Variants in LRP1 observed in about 807,000 individuals in gnomAD.
The protein encoded by LRP1 is LDL receptor related protein 1, also known as prolow-density lipoprotein receptor-related protein 1.
A neutral mutation model predicts 541.5 loss-of-function variants in LRP1; 51 were observed. That is an observed-to-expected ratio of 0.09 (90% CI 0.08 to 0.12). The LOEUF (loss-of-function observed/expected upper bound fraction) is 0.12, where lower values mean the gene tolerates loss of function less well. Ranked by LOEUF, LRP1 falls within the 10% of genes least tolerant of loss-of-function variation. The probability of loss-of-function intolerance (pLI) is 1.00; values close to 1 mark genes in which losing one functional copy is unlikely to be tolerated. For missense variants in LRP1, 3,878 were observed against 6,376.2 expected, an observed-to-expected ratio of 0.61 and a Z score of 13.34; for synonymous variants, 2,219 against 2,470.8, an observed-to-expected ratio of 0.90 and a Z score of 3.02.
intron 6 of LRP1, among the ~76,000 whole-genome samples, chr12:57,145,940 G>A (rs944197897): frequency 1.3e-5 from 2 of 152,162 alleles, no homozygotes; most frequent in South Asian, 2.1e-4. Context: ...TTCCCTCGGG[G>A]ACCATTGCCA....
At chr12:57,143,027 G>C (rs2035328178) in intron 3 of LRP1, among the ~76,000 whole-genome samples, 1 of 152,126 alleles carries the variant, frequency 6.6e-6, no homozygotes, top group South Asian at 2.1e-4. Flanking sequence ...CGCTGGTCTG[G>C]GGGGGCAACT....
At position 57,197,781 on chromosome 12, in the gene LRP1, T is replaced by A; in HGVS notation, c.9282+117T>A. 8.6e-7 allele frequency: 1 copy of A among 1,164,802 alleles called. No individual in the cohort carries two copies. Among genetic ancestry groups the A allele is most frequent in the Non-Finnish European group, 1.2e-6 (1 of 829,338 alleles). The allele number at this position is 1,164,802 out of a possible 1,614,324, so 72.2% of individuals were successfully genotyped here. ...GCTTCCTTCTCACTCCACTAGTCAC[T>A]ATATGACTGCTTGTTCTAGCTGCTC... On this transcript the variant is annotated intron_variant, in intron 58 of 88. Coordinates refer to ENST00000243077, the MANE Select transcript of LRP1 (RefSeq NM_002332.3). The surrounding 1 kb of genome is among the most constrained non-coding windows in gnomAD (Gnocchi z 4.5).
At position 57,179,685 on chromosome 12, in the gene LRP1, GTTTCCTGA is replaced by G; in HGVS notation, c.4967-95_4967-88del. On this transcript the variant is annotated intron_variant, in intron 29 of 88. Coordinates refer to ENST00000243077, the MANE Select transcript of LRP1 (RefSeq NM_002332.3). This position sits in a 1 kb window ranked among gnomAD's most constrained non-coding sequence, Gnocchi z 6.8. The stretch of plus-strand genomic sequence containing the variant: ...TGTTCCCCCTCAGTGCTCCAGCCTG[GTTTCCTGA>G]TCCCTTTTCTCCAGAAGGCACACTG... The G allele has an allele frequency of 7.0e-7, 1 of 1,426,280 alleles. No homozygotes were observed. The highest frequency in any genetic ancestry group is 1.7e-5 in the Admixed American group (1 of 58,064). 88.4% of individuals were successfully genotyped at this position (1,426,280 alleles called of 1,614,324 possible).
Position 57,211,841 on chromosome 12 carries a change from G to A in LRP1, c.13258+27G>A. 6.2e-7 allele frequency: 1 copy of A among 1,613,044 alleles called. No individual in the cohort carries two copies. The highest frequency in any genetic ancestry group is 8.5e-7 in the Non-Finnish European group (1 of 1,179,998). ...TAGGTGGCAGGGGTTGGGGCAGGCAGGGCCACCGGGACCTAGAGCAGGGGG... is the reference window on the plus strand; with the variant it reads ...TAGGTGGCAGGGGTTGGGGCAGGCAAGGCCACCGGGACCTAGAGCAGGGGG... On this transcript the variant is annotated intron_variant, in intron 86 of 88. Coordinates refer to ENST00000243077, the MANE Select transcript of LRP1 (RefSeq NM_002332.3). The surrounding 1 kb of genome is among the most constrained non-coding windows in gnomAD (Gnocchi z 4.3).
chr12:57,202,120 C>A (rs1255529572), intron 67 of LRP1, among the ~76,000 whole-genome samples: 1 of 152,028 alleles, frequency 6.6e-6, no homozygotes, highest in Non-Finnish European at 1.5e-5. Flanking sequence ...GTTTCCCTAT[C>A]CCTGCCCCTG....
chr12:57,148,011 C>T (rs986876594), intron 6 of LRP1, among the ~76,000 whole-genome samples: 2 of 152,170 alleles, frequency 1.3e-5, no homozygotes, highest in African/African-American at 2.4e-5. Context: ...CTATGAGGCT[C>T]GAATTCCAAG....
At position 57,195,195 on chromosome 12, in the gene LRP1, G is replaced by A. The variant is rs562846479; in HGVS notation, c.8309-76G>A. 4.8e-5 allele frequency: 35 copies of A among 729,736 alleles called. No homozygotes were observed. In the East Asian group the frequency reaches 1.9e-3, roughly 39 times the overall value. The allele number at this position is 729,736 out of a possible 1,614,324, so 45.2% of individuals were successfully genotyped here. ...ACACACAGACACCCCTGCAGACGAC[G>A]GCGAACCATCACCTCCACTGCTAGA... On this transcript the variant is annotated intron_variant, in intron 51 of 88. Coordinates refer to ENST00000243077, the MANE Select transcript of LRP1 (RefSeq NM_002332.3).
chr12:57,162,228 A>G lies in LRP1; in HGVS notation c.2203-89A>G, dbSNP rs1341784160. 2.6e-6 allele frequency: 3 copies of G among 1,143,914 alleles called. No individual in the cohort carries two copies. Among genetic ancestry groups the G allele is most frequent in the Middle Eastern group, 1.9e-4 (1 of 5,162 alleles). 70.9% of individuals were successfully genotyped at this position (1,143,914 alleles called of 1,614,324 possible). On this transcript the variant is annotated intron_variant, in intron 13 of 88. Transcript: ENST00000243077. The surrounding 1 kb of genome is among the most constrained non-coding windows in gnomAD (Gnocchi z 5.2). ...AAACAAAGCAAAACCCATGCCCAGG[A>G]CATAGACAAATGAATGTACAAAACA... is the stretch of plus-strand genomic sequence containing the variant.
chr12:57,185,590 C>T lies in LRP1; in HGVS notation c.6523C>T (p.Arg2175Cys), dbSNP rs770278184. ...GCQQLCLYRG[R>C]GQRACACAHG... The stretch of plus-strand genomic sequence containing the variant: ...CCAGCAGCTGTGCCTGTACCGGGGC[C>T]GTGGGCAGCGGGCCTGCGCCTGTGC... The change falls in exon 41 of 89, where the codon CGT (arginine) becomes TGT (cysteine). Residue 2175 changes from arginine (R) to cysteine (C), a missense_variant. Arg to Cys is a radical substitution (Grantham distance 180). Around this residue, in one of 13 missense-constraint regions of LRP1, gnomAD observed 1,100 missense variants for 1,827.4 expected, o/e 0.60. Transcript: ENST00000243077. The surrounding 1 kb of genome is among the most constrained non-coding windows in gnomAD (Gnocchi z 4.9). 1.7e-5 allele frequency: 28 copies of T among 1,605,986 alleles called. No individual in the cohort carries two copies. The highest frequency in any genetic ancestry group is 2.2e-5 in the Non-Finnish European group (26 of 1,177,862).
Position 57,183,834 on chromosome 12 carries a change from G to A in LRP1, c.5854G>A (p.Asp1952Asn). ...GLSTISRAKR[D>N]QTWREDVVTN... Reference sequence around the variant, plus strand: ...GAGCACGATCAGCCGGGCCAAGCGGGACCAGACGTGGCGTGAAGACGTGGT... The same window carrying A: ...GAGCACGATCAGCCGGGCCAAGCGGAACCAGACGTGGCGTGAAGACGTGGT... Residue 1952 changes from aspartate to asparagine, a missense_variant, in exon 36 of 89, where the codon GAC becomes AAC. Transcript: ENST00000243077. This position sits in a 1 kb window ranked among gnomAD's most constrained non-coding sequence, Gnocchi z 6.1. 6.2e-7 allele frequency: 1 copy of A among 1,614,190 alleles called. No homozygotes were observed.
At chr12:57,138,749 C>T (rs778532527) in intron 2 of LRP1, among the ~76,000 whole-genome samples, 168 bp downstream of exon 2, 1 of 152,226 alleles carries the variant, frequency 6.6e-6, no homozygotes, top group African/African-American at 2.4e-5. Context: ...CTTCAAAATG[C>T]TTGGCATGGT....
intron 44 of LRP1, 33 bp from the exon 45 acceptor site, chr12:57,192,812 C>G: frequency 6.2e-7 from 1 of 1,613,784 alleles, no homozygotes; most frequent in African/African-American, 1.3e-5. Flanking sequence ...AGAGAACACT[C>G]TCCAGCCCTG....
intron 33 of LRP1, 117 bp downstream of exon 33, chr12:57,180,924 C>A: frequency 7.1e-7 from 1 of 1,399,844 alleles, no homozygotes; most frequent in Non-Finnish European, 9.8e-7. Flanking sequence ...TACCCACCAC[C>A]CAAAGGGGCT....
chr12:57,165,392 C>T lies in LRP1; in HGVS notation c.2531-413C>T, dbSNP rs1592623966. The T allele has an allele frequency of 1.7e-5, 3 of 173,054 alleles. No homozygotes were observed. The East Asian group carries it at 4.6e-4, about 27-fold the overall frequency. The allele number at this position is 173,054 out of a possible 1,614,324, so 10.7% of individuals were successfully genotyped here. A position where few individuals can be genotyped will look rare whatever the true frequency, so the allele number is the denominator to read the frequency against. On this transcript the variant is annotated intron_variant, in intron 15 of 88. Coordinates refer to ENST00000243077, the MANE Select transcript of LRP1 (RefSeq NM_002332.3). This position sits in a 1 kb window ranked among gnomAD's most constrained non-coding sequence, Gnocchi z 4.5. ...GGATGTGGTGCCATCTTCACTTCTGCTGGTGGGACCGATGAAACTGTGAAA... is the reference window on the plus strand; with the variant it reads ...GGATGTGGTGCCATCTTCACTTCTGTTGGTGGGACCGATGAAACTGTGAAA...
In LRP1 at chr12:57,165,343, G is replaced by A. The variant is rs1241459804; in HGVS notation, c.2531-462G>A. On this transcript the variant is annotated intron_variant, in intron 15 of 88. Coordinates refer to ENST00000243077, the MANE Select transcript of LRP1 (RefSeq NM_002332.3). This position sits in a 1 kb window ranked among gnomAD's most constrained non-coding sequence, Gnocchi z 4.5. ...AGTGATGGTGAGGCATACGTTCTGG[G>A]GACAGGATGGGTGGAGCCTGCGCGG... 1 of 162,622 alleles carries A rather than the reference G, an allele frequency of 6.1e-6. No individual in the cohort carries two copies. Among genetic ancestry groups the A allele is most frequent in the Non-Finnish European group, 1.4e-5 (1 of 73,650 alleles). The allele number at this position is 162,622 out of a possible 1,614,324, so 10.1% of individuals were successfully genotyped here.
chr12:57,196,316 C>T lies in LRP1; in HGVS notation c.8892+39C>T, dbSNP rs377438341. 36 of 1,495,990 alleles carry T rather than the reference C, an allele frequency of 2.4e-5. 1 individual carries two copies. The highest frequency in any genetic ancestry group is 4.8e-5 in the East Asian group (2 of 41,374). 92.7% of individuals were successfully genotyped at this position (1,495,990 alleles called of 1,614,324 possible). ...TGGGGAGGAGCTTCCACACCCCAGA[C>T]GTGCCAGGAACGCCTTTCTCCACTG... is the stretch of plus-strand genomic sequence containing the variant. On this transcript the variant is annotated intron_variant, in intron 55 of 88. Coordinates refer to ENST00000243077, the MANE Select transcript of LRP1 (RefSeq NM_002332.3).
In LRP1 at chr12:57,201,667, C is replaced by T. The variant is rs1352335714; in HGVS notation, c.10468+48C>T. On this transcript the variant is annotated intron_variant, in intron 66 of 88. Coordinates refer to ENST00000243077, the MANE Select transcript of LRP1 (RefSeq NM_002332.3). This position sits in a 1 kb window ranked among gnomAD's most constrained non-coding sequence, Gnocchi z 6.4. ...CAGCTTCCCTCCCCAGTGTCTGCTG[C>T]TCACACCACCCCGACGTGTGACCCC... is the stretch of plus-strand genomic sequence containing the variant. 7.5e-6 allele frequency: 12 copies of T among 1,599,930 alleles called. No individual in the cohort carries two copies. In the Admixed American group the frequency reaches 1.5e-4, roughly 20 times the overall value.
At chr12:57,130,220 G>T (rs969193423) in intron 1 of LRP1, among the ~76,000 whole-genome samples, 4 of 152,116 alleles carry the variant, frequency 2.6e-5, no homozygotes, top group African/African-American at 9.7e-5. Context: ...ACAAAACTGG[G>T]CTGGATACCA....
At chr12:57,172,913 C>T (rs1021028988) in intron 20 of LRP1, among the ~76,000 whole-genome samples, 2 of 152,202 alleles carry the variant, frequency 1.3e-5, no homozygotes, top group Non-Finnish European at 2.9e-5. Context: ...TAGCAAATTG[C>T]TTCTCCAGCT....
Sources: allele counts gnomAD v4.1 joint callset (sites outside exome capture counted in the v4.1 genomes callset), GRCh38; gene constraint gnomAD v4.1.1; regional missense constraint gnomAD v4.1.1; non-coding constraint Gnocchi (gnomAD v3.1); transcripts MANE v1.5; gene names NCBI Gene and HGNC (gene_info 2026-07-23, HGNC 2026-07-21).